The following KPNA7 variants were observed in gnomAD, a reference collection of about 807,000 sequenced individuals.
KPNA7 encodes karyopherin subunit alpha 7.
A neutral mutation model predicts 53.7 loss-of-function variants in KPNA7; 54 were observed. The observed-to-expected ratio is 1.01, with a 90% confidence interval of 0.81 to 1.26. The LOEUF is 1.26. Among genes scored for constraint, KPNA7 ranks in the 50% most tolerant of loss-of-function variants. The pLI is 0.00. For synonymous variants in KPNA7, 276 were observed against 259.3 expected (o/e 1.06, Z -0.62); for missense variants, 640 against 644.5 (o/e 0.99, Z 0.07).
the KPNA7 span, among the ~76,000 whole-genome samples, chr7:99,166,763 G>C: frequency 6.6e-6 from 1 of 151,938 alleles, no homozygotes; most frequent in African/African-American, 2.4e-5. Context: ...GGGATTACAG[G>C]CATGTGCCAC....
the KPNA7 span, among the ~76,000 whole-genome samples, chr7:99,161,596 T>C: frequency 1.3e-5 from 2 of 152,216 alleles, no homozygotes; most frequent in Admixed American, 1.3e-4. Flanking sequence ...AAATTTGTTA[T>C]ATAGCAAGTA....
At chr7:99,176,198 T>C (rs1405965242) in intron 10 of KPNA7, among the ~76,000 whole-genome samples, 9 of 149,564 alleles carry the variant, frequency 6.0e-5, no homozygotes, top group Non-Finnish European at 1.2e-4. Context: ...CTTGGGAGGC[T>C]GAGGCAGGAG....
intron 6 of KPNA7, 122 bp from the exon 7 acceptor site, chr7:99,188,685 T>C: frequency 1.9e-6 from 2 of 1,074,452 alleles, no homozygotes; most frequent in Non-Finnish European, 2.6e-6. Context: ...TTTAAAATTT[T>C]ATTTATTATT....
chr7:99,176,253 G>C (rs540076894), intron 10 of KPNA7, among the ~76,000 whole-genome samples: 1 of 144,302 alleles, frequency 6.9e-6, no homozygotes, highest in South Asian at 2.2e-4. Flanking sequence ...AGCCAAGATC[G>C]CGCCACTGCA....
intron 7 of KPNA7, among the ~76,000 whole-genome samples, chr7:99,187,798 TTAAAAAAAA>T (rs1789686351): frequency 3.5e-4 from 1 of 2,892 alleles, no homozygotes; most frequent in African/African-American, 5.3e-4. Flanking sequence ...GCCTTTTTTT[TTAAAAAAAA>T]AAAAAAAAAA....
intron 2 of KPNA7, among the ~76,000 whole-genome samples, chr7:99,204,131 G>A (rs539881406): frequency 9.2e-5 from 14 of 152,202 alleles, no homozygotes; most frequent in Non-Finnish European, 1.8e-4. Context: ...TATAATCCCA[G>A]CACTTTGGGA....
upstream of KPNA7, among the ~76,000 whole-genome samples, chr7:99,212,412 T>G (rs1791100395): frequency 6.6e-6 from 1 of 151,686 alleles, no homozygotes; most frequent in African/African-American, 2.4e-5. Context: ...CCCAGCTAAT[T>G]TTTGTATTTT....
chr7:99,185,796 G>GTTTA (rs1789555936), intron 7 of KPNA7, among the ~76,000 whole-genome samples: 1 of 152,072 alleles, frequency 6.6e-6, no homozygotes, highest in African/African-American at 2.4e-5. Context: ...TGTTTTGTTT[G>GTTTA]TTTGTTTGTT....
the KPNA7 span, among the ~76,000 whole-genome samples, chr7:99,163,721 T>C: frequency 6.6e-6 from 1 of 152,052 alleles, no homozygotes; most frequent in African/African-American, 2.4e-5. Flanking sequence ...ATATTACCTA[T>C]TTAACATTAT....
downstream of KPNA7, among the ~76,000 whole-genome samples, chr7:99,173,171 A>G (rs191845606): frequency 5.3e-5 from 8 of 151,642 alleles, no homozygotes; most frequent in Admixed American, 3.9e-4. Context: ...AAAGGCAATT[A>G]CTAAACAAAT....
chr7:99,167,703 A>T, the KPNA7 span, among the ~76,000 whole-genome samples: 1 of 133,790 alleles, frequency 7.5e-6, no homozygotes, highest in Non-Finnish European at 1.5e-5. Context: ...CTGGTCTCGA[A>T]TTCCTGACCT....
chr7:99,201,595 G>C (rs192240104), intron 3 of KPNA7, among the ~76,000 whole-genome samples: 2 of 151,504 alleles, frequency 1.3e-5, no homozygotes, highest in Non-Finnish European at 2.9e-5. Context: ...CCCAGGAGGC[G>C]GAAGTTGCGG....
At chr7:99,200,033 G>C (rs1790431805) in intron 3 of KPNA7, among the ~76,000 whole-genome samples, 1 of 152,068 alleles carries the variant, frequency 6.6e-6, no homozygotes, top group African/African-American at 2.4e-5. Flanking sequence ...CTTCCTAATA[G>C]CTGGGACTAC....
chr7:99,213,657 T>C (rs1314085097), intron 1 of KPNA7, among the ~76,000 whole-genome samples: 4 of 151,620 alleles, frequency 2.6e-5, no homozygotes, highest in Non-Finnish European at 2.9e-5. Flanking sequence ...GTCACCCAGG[T>C]TGGGGTGCAG....
chr7:99,147,788 T>A, the KPNA7 span, among the ~76,000 whole-genome samples: 2 of 87,038 alleles, frequency 2.3e-5, no homozygotes, highest in Admixed American at 2.9e-4. Context: ...CAAGACTCTA[T>A]CTCAAAAAAA....
the KPNA7 span, among the ~76,000 whole-genome samples, chr7:99,166,820 C>A: frequency 6.6e-6 from 1 of 151,848 alleles, no homozygotes; most frequent in African/African-American, 2.4e-5. Flanking sequence ...AAGGTTTCAC[C>A]ATGTCGGCCA....
chr7:99,210,412 G>A (rs1276210453), upstream of KPNA7, among the ~76,000 whole-genome samples: 1 of 152,150 alleles, frequency 6.6e-6, no homozygotes, highest in Non-Finnish European at 1.5e-5. Flanking sequence ...ACAGTACTGT[G>A]TCTTAGGCAG....
At chr7:99,201,984 A>C (rs1201212031) in intron 3 of KPNA7, among the ~76,000 whole-genome samples, 1 of 152,144 alleles carries the variant, frequency 6.6e-6, no homozygotes. Flanking sequence ...CTAGGACTAC[A>C]GGTGTGAACC....
intron 1 of KPNA7, among the ~76,000 whole-genome samples, chr7:99,216,433 G>T (rs932294315): frequency 2.0e-5 from 3 of 152,110 alleles, no homozygotes; most frequent in Non-Finnish European, 4.4e-5. Flanking sequence ...ATTTATCCCT[G>T]GGGTCTCAGG....
Sources: allele counts gnomAD v4.1 joint callset (sites outside exome capture counted in the v4.1 genomes callset), GRCh38; gene constraint gnomAD v4.1.1; transcripts MANE v1.5; gene names NCBI Gene and HGNC (gene_info 2026-07-23, HGNC 2026-07-21).